The following CFAP221 variants were observed in gnomAD, a reference collection of about 807,000 sequenced individuals.
The protein encoded by CFAP221 is cilia- and flagella-associated protein 221.
Under a neutral mutation model 113.1 loss-of-function variants are expected in CFAP221, and 97 were observed. The observed-to-expected ratio is 0.86, with a 90% CI of 0.73 to 1.02. The LOEUF is 1.02. Ranked by LOEUF, CFAP221 falls within the 50% of genes least tolerant of loss-of-function variation. CFAP221 has a pLI of 0.00. For missense variants in CFAP221, 1,025 were observed against 1,013.4 expected, an observed-to-expected ratio of 1.01 and a Z score of -0.16; for synonymous variants, 331 against 354.4, an observed-to-expected ratio of 0.93 and a Z score of 0.74.
chr2:119,635,750 A>G (rs998283747), intron 19 of CFAP221, among the ~76,000 whole-genome samples: 1 of 152,224 alleles, frequency 6.6e-6, no homozygotes, highest in African/African-American at 2.4e-5. Context: ...GAAATACTGT[A>G]GTGGTTACAA....
chr2:119,605,083 A>C, intron 10 of CFAP221, 96 bp downstream of exon 10: 1 of 1,463,292 alleles, frequency 6.8e-7, no homozygotes, highest in East Asian at 2.3e-5. Context: ...AAATTCAGTT[A>C]GATTGCTGTT....
intron 3 of CFAP221, among the ~76,000 whole-genome samples, chr2:119,550,934 A>T (rs1234885057): frequency 6.6e-6 from 1 of 152,112 alleles, no homozygotes; most frequent in East Asian, 1.9e-4. Flanking sequence ...CACCCTAGGC[A>T]ATCACTCATC....
intron 12 of CFAP221, among the ~76,000 whole-genome samples, chr2:119,610,010 A>G (rs7567365): frequency 1.3e-5 from 2 of 152,222 alleles, no homozygotes; most frequent in Admixed American, 1.3e-4. Context: ...TTAGTTCCAC[A>G]TGTTCAGATT....
At chr2:119,574,246 CA>C (rs201370614) in intron 6 of CFAP221, among the ~76,000 whole-genome samples, 4,296 of 152,186 alleles carry the variant, frequency 0.028, 73 homozygotes, top group Non-Finnish European at 0.041. Flanking sequence ...TTGTATGTAC[CA>C]GGGGCAGTGG....
At chr2:119,618,666 GGGCAGA>G (rs1685687077) in intron 14 of CFAP221, among the ~76,000 whole-genome samples, 1 of 152,140 alleles carries the variant, frequency 6.6e-6, no homozygotes, top group Non-Finnish European at 1.5e-5. Context: ...GTGGCCATTT[GGGCAGA>G]CACCAAGCCA....
chr2:119,621,238 AGC>A lies in CFAP221; in HGVS notation c.1411-4344_1411-4343del, dbSNP rs1463823237. On this transcript the variant is annotated intron_variant, in intron 14 of 23. Coordinates refer to ENST00000413369, the MANE Select transcript of CFAP221 (RefSeq NM_001271049.2). ...GAAACTGTGTCAAAAAAAAAAAAAA[AGC>A]AGGGGTTGCAATCCTAGGCTCTGAT... Among the ~76,000 whole-genome samples the A allele has an allele frequency of 9.1e-4, 138 of 151,660 alleles. 2 individuals carry two copies. The highest frequency in any genetic ancestry group is 3.0e-3 in the African/African-American group (123 of 41,396).
At chr2:119,603,928 C>A (rs1056932487) in intron 8 of CFAP221, among the ~76,000 whole-genome samples, 1 of 152,280 alleles carries the variant, frequency 6.6e-6, no homozygotes, top group Admixed American at 6.5e-5. Context: ...ACTACCATGT[C>A]CAAAGTCAGT....
At chr2:119,609,487 C>T (rs577148633) in intron 12 of CFAP221, among the ~76,000 whole-genome samples, 1 of 152,162 alleles carries the variant, frequency 6.6e-6, no homozygotes, top group African/African-American at 2.4e-5. Flanking sequence ...CATTCCAGAC[C>T]TCTCTCCTTG....
chr2:119,659,970 C>T (rs1688558028), downstream of CFAP221, among the ~76,000 whole-genome samples: 1 of 152,244 alleles, frequency 6.6e-6, no homozygotes, highest in African/African-American at 2.4e-5. Context: ...CAACATCCAA[C>T]CAGCAGCTAC....
intron 6 of CFAP221, among the ~76,000 whole-genome samples, chr2:119,563,142 A>G (rs1248704958): frequency 2.0e-5 from 3 of 152,196 alleles, no homozygotes; most frequent in Non-Finnish European, 2.9e-5. Flanking sequence ...TGACAGAGTG[A>G]GATCCTGTCT....
chr2:119,559,492 C>T (rs1405370696), intron 3 of CFAP221, among the ~76,000 whole-genome samples, 197 bp from the exon 4 acceptor site: 2 of 151,684 alleles, frequency 1.3e-5, no homozygotes, highest in African/African-American at 2.4e-5. Context: ...ACATGGGGCA[C>T]GTTTTATAAT....
At chr2:119,601,538 A>G (rs553221165) in intron 8 of CFAP221, 161 bp downstream of exon 8, 24 of 650,670 alleles carry the variant, frequency 3.7e-5, no homozygotes, top group African/African-American at 3.1e-4. Context: ...ACAGAAATAT[A>G]GAATATATCT....
At chr2:119,563,828 G>C (rs774343335) in intron 6 of CFAP221, among the ~76,000 whole-genome samples, 13 of 152,210 alleles carry the variant, frequency 8.5e-5, no homozygotes, top group Non-Finnish European at 1.9e-4. Context: ...GGAGGTGACA[G>C]CTGGGTTATC....
intron 12 of CFAP221, 27 bp from the exon 13 acceptor site, chr2:119,611,626 A>T: frequency 6.4e-7 from 1 of 1,571,188 alleles, no homozygotes; most frequent in Non-Finnish European, 8.7e-7. Flanking sequence ...TATTCAACTT[A>T]AATTATTTTG....
intron 17 of CFAP221, 91 bp downstream of exon 17, chr2:119,630,046 C>A: frequency 1.7e-6 from 2 of 1,190,974 alleles, no homozygotes; most frequent in Non-Finnish European, 2.4e-6. Flanking sequence ...TATAGTTTTG[C>A]TTTATGGTAG....
At chr2:119,555,729 A>G (rs1424575593) in intron 3 of CFAP221, among the ~76,000 whole-genome samples, 1 of 152,210 alleles carries the variant, frequency 6.6e-6, no homozygotes, top group Non-Finnish European at 1.5e-5. Context: ...ACCAGGTTCT[A>G]GGTCCAGGTC....
chr2:119,616,031 A>G (rs892276600), intron 14 of CFAP221, among the ~76,000 whole-genome samples: 1 of 152,240 alleles, frequency 6.6e-6, no homozygotes, highest in South Asian at 2.1e-4. Context: ...TGGGCATTTC[A>G]TATAAATGGA....
At chr2:119,616,835 T>C (rs544661449) in intron 14 of CFAP221, among the ~76,000 whole-genome samples, 1 of 152,372 alleles carries the variant, frequency 6.6e-6, no homozygotes, top group South Asian at 2.1e-4. Flanking sequence ...CACTTTAGTA[T>C]TTAGGGATCT....
At chr2:119,559,373 G>A (rs1028133807) in intron 3 of CFAP221, among the ~76,000 whole-genome samples, 3 of 149,758 alleles carry the variant, frequency 2.0e-5, no homozygotes, top group Non-Finnish European at 4.5e-5. Context: ...TAAACAAAAA[G>A]CACTTGCAGT....
Sources: allele counts gnomAD v4.1 joint callset (sites outside exome capture counted in the v4.1 genomes callset), GRCh38; gene constraint gnomAD v4.1.1; transcripts MANE v1.5; gene names NCBI Gene and HGNC (gene_info 2026-07-23, HGNC 2026-07-21).